The following PDE8B variants were observed in gnomAD, a reference collection of about 807,000 sequenced individuals.
PDE8B encodes the protein phosphodiesterase 8B.
In PDE8B, 26 loss-of-function variants were observed where a neutral mutation model predicts 101.3. The ratio of observed to expected loss-of-function variants is 0.26; its 90% CI spans 0.19 to 0.36. The LOEUF (loss-of-function observed/expected upper bound fraction) is 0.36, where lower values mean the gene tolerates loss of function less well. Ranked by LOEUF, PDE8B falls within the 10% of genes least tolerant of loss-of-function variation. The pLI is 1.00. For synonymous variants in PDE8B, 424 were observed against 429.3 expected (o/e 0.99, Z 0.15); for missense variants, 810 against 1,163.1 (o/e 0.70, Z 4.42).
At chr5:77,163,540 A>G in the PDE8B span, among the ~76,000 whole-genome samples, 3 of 152,246 alleles carry the variant, frequency 2.0e-5, no homozygotes, top group African/African-American at 7.2e-5. Flanking sequence ...TCAAATAACC[A>G]CTATGAACAG....
chr5:77,205,088 T>A, the PDE8B span, among the ~76,000 whole-genome samples: 161 of 152,152 alleles, frequency 1.1e-3, no homozygotes, highest in African/African-American at 3.7e-3. Flanking sequence ...CCCTGTGGGG[T>A]GCTTGTTAAC....
chr5:77,153,602 T>C, the PDE8B span, among the ~76,000 whole-genome samples: 1 of 140,530 alleles, frequency 7.1e-6, no homozygotes, highest in African/African-American at 2.7e-5. Context: ...TGAGACGGAG[T>C]CTCACTCTGT....
chr5:77,335,532 GGTGTGTGT>G (rs35776739), intron 5 of PDE8B, among the ~76,000 whole-genome samples: 5 of 145,572 alleles, frequency 3.4e-5, no homozygotes, highest in African/African-American at 5.1e-5. Context: ...GTATATGTGG[GGTGTGTGT>G]GTGTGTGTGT....
At chr5:77,272,754 G>C (rs1282830453) in intron 1 of PDE8B, among the ~76,000 whole-genome samples, 1 of 152,156 alleles carries the variant, frequency 6.6e-6, no homozygotes, top group Non-Finnish European at 1.5e-5. Flanking sequence ...TGGTTCAGAG[G>C]GCAGCATAGT....
the PDE8B span, among the ~76,000 whole-genome samples, chr5:77,176,123 G>A: frequency 2.5e-4 from 38 of 152,108 alleles, no homozygotes; most frequent in Middle Eastern, 3.4e-3. Flanking sequence ...GTTATACATC[G>A]GAAGCAGGTA....
At chr5:77,088,805 T>C in the PDE8B span, 1 of 152,190 alleles carries the variant, frequency 6.6e-6, no homozygotes, top group African/African-American at 2.4e-5. Context: ...AAAAGGTAAC[T>C]TTTGGGCACA....
At chr5:77,350,494 G>C (rs1780886931) in intron 8 of PDE8B, among the ~76,000 whole-genome samples, 1 of 152,098 alleles carries the variant, frequency 6.6e-6, no homozygotes, top group African/African-American at 2.4e-5. Context: ...CCCATGTTCA[G>C]AGAACAGGAA....
chr5:77,360,947 G>A (rs1454903869), intron 10 of PDE8B, among the ~76,000 whole-genome samples: 1 of 152,152 alleles, frequency 6.6e-6, no homozygotes, highest in Non-Finnish European at 1.5e-5. Flanking sequence ...AGAACTGATT[G>A]TTTAATTTTC....
At chr5:77,276,939 A>G (rs1457051042) in intron 1 of PDE8B, among the ~76,000 whole-genome samples, 2 of 151,958 alleles carry the variant, frequency 1.3e-5, no homozygotes, top group Non-Finnish European at 2.9e-5. Flanking sequence ...AACTCTGACT[A>G]GTTGCTCCAA....
intron 5 of PDE8B, among the ~76,000 whole-genome samples, chr5:77,332,212 A>G (rs1777271914): frequency 6.6e-6 from 1 of 152,212 alleles, no homozygotes; most frequent in Non-Finnish European, 1.5e-5. Context: ...ATTAAAAAGA[A>G]AACAAGTCCT....
intron 10 of PDE8B, among the ~76,000 whole-genome samples, chr5:77,393,843 T>C (rs1790459492): frequency 6.6e-6 from 1 of 151,928 alleles, no homozygotes; most frequent in African/African-American, 2.4e-5. Flanking sequence ...TGATATTCTT[T>C]ACTTACCAGA....
chr5:77,421,409 C>T (rs950816521), intron 19 of PDE8B, among the ~76,000 whole-genome samples: 7 of 152,048 alleles, frequency 4.6e-5, no homozygotes, highest in African/African-American at 1.2e-4. Flanking sequence ...ACCTGAAATG[C>T]ATTAAAGTAG....
chr5:77,293,514 CAGAT>C (rs1347935053), intron 1 of PDE8B, among the ~76,000 whole-genome samples: 1 of 152,144 alleles, frequency 6.6e-6, no homozygotes, highest in African/African-American at 2.4e-5. Context: ...TTCTGACACT[CAGAT>C]AGTCTGAGTG....
At chr5:77,233,652 C>CTGTG (rs1491092072) in intron 1 of PDE8B, among the ~76,000 whole-genome samples, 1 of 127,042 alleles carries the variant, frequency 7.9e-6, no homozygotes, top group African/African-American at 3.0e-5. Context: ...CCCCCTGAAG[C>CTGTG]TCTGTGTGTG....
intron 6 of PDE8B, among the ~76,000 whole-genome samples, chr5:77,340,320 G>C (rs1038807827): frequency 3.3e-5 from 5 of 152,170 alleles, no homozygotes; most frequent in Non-Finnish European, 7.3e-5. Flanking sequence ...AGTATTAACA[G>C]ACATTTGTAG....
intron 1 of PDE8B, among the ~76,000 whole-genome samples, chr5:77,311,681 A>G (rs940403215): frequency 2.0e-5 from 3 of 152,266 alleles, no homozygotes; most frequent in African/African-American, 7.2e-5. Context: ...CTTTTCTTCC[A>G]TAAAATAGTA....
intron 1 of PDE8B, among the ~76,000 whole-genome samples, chr5:77,234,319 G>A (rs1754235162): frequency 6.6e-6 from 1 of 151,990 alleles, no homozygotes; most frequent in African/African-American, 2.4e-5. Flanking sequence ...GGAAGGACTG[G>A]GCAGCTCTTG....
intron 10 of PDE8B, among the ~76,000 whole-genome samples, chr5:77,367,723 G>T (rs1021462840): frequency 6.6e-6 from 1 of 151,998 alleles, no homozygotes; most frequent in African/African-American, 2.4e-5. Flanking sequence ...TAGAGATGAG[G>T]TTTCACCATG....
intron 3 of PDE8B, among the ~76,000 whole-genome samples, chr5:77,327,488 C>T (rs1776260516): frequency 6.6e-6 from 1 of 152,146 alleles, no homozygotes; most frequent in South Asian, 2.1e-4. Context: ...TAGGATATAG[C>T]CCAGCAGTGT....
Sources: gnomAD v4.1 joint callset for allele counts (sites outside exome capture counted in the v4.1 genomes callset) on GRCh38, gnomAD v4.1.1 for gene constraint, MANE v1.5 for transcripts, NCBI Gene and HGNC (gene_info 2026-07-23, HGNC 2026-07-21) for gene names.